Variants in FMNL3 observed in about 807,000 individuals in gnomAD.
The protein encoded by FMNL3 is formin-like protein 3.
A neutral mutation model predicts 119.6 loss-of-function variants in FMNL3; 57 were observed. The observed-to-expected ratio is 0.48, with a 90% CI of 0.39 to 0.59. The LOEUF (loss-of-function observed/expected upper bound fraction) is 0.59. FMNL3 is among the 20% of genes least tolerant of loss of function. The pLI is 0.00. For missense variants in FMNL3, 1,053 were observed against 1,323.5 expected, an observed-to-expected ratio of 0.80 and a Z score of 3.17; for synonymous variants, 491 against 507.3, an observed-to-expected ratio of 0.97 and a Z score of 0.43.
rs934936710 is a variant in FMNL3, at chr12:49,642,771, C to T, written c.*3044G>A. On this transcript the variant is annotated 3_prime_UTR_variant, in exon 26 of 26. Coordinates refer to ENST00000335154, the MANE Select transcript of FMNL3 (RefSeq NM_175736.5). The surrounding 1 kb of genome is among the most constrained non-coding windows in gnomAD (Gnocchi z 5.8). Reference sequence around the variant, plus strand: ...AGTGGCCTCCCTCTTACCCTTAGGGCACTCCTGGCCAGCTAAGGAAGGGGA... The same window carrying T: ...AGTGGCCTCCCTCTTACCCTTAGGGTACTCCTGGCCAGCTAAGGAAGGGGA... 1.9e-5 allele frequency: 27 copies of T among 1,440,148 alleles called. No individual in the cohort carries two copies. The African/African-American group carries it at 2.4e-4, about 13-fold the overall frequency. The allele number at this position is 1,440,148 out of a possible 1,614,324, so 89.2% of individuals were successfully genotyped here. A position where few individuals can be genotyped will look rare whatever the true frequency, so the allele number is the denominator to read the frequency against.
At chr12:49,667,331 A>C (rs750646321) in intron 2 of FMNL3, among the ~76,000 whole-genome samples, 3 of 152,352 alleles carry the variant, frequency 2.0e-5, no homozygotes, top group Non-Finnish European at 2.9e-5. Flanking sequence ...AGACTGAGAG[A>C]TCAATTAAAG....
At position 49,650,939 on chromosome 12, in the gene FMNL3, A is replaced by T; in HGVS notation, c.1798-61T>A. ...CCTCATACTAGTGGAGGACCTCATG[A>T]CAGCCCACCCAGCATTGGCCCAGAG... On this transcript the variant is annotated intron_variant, in intron 16 of 25. Coordinates refer to ENST00000335154, the MANE Select transcript of FMNL3 (RefSeq NM_175736.5). 3 of 1,583,472 alleles carry T rather than the reference A, an allele frequency of 1.9e-6. No homozygotes were observed. In the East Asian group the frequency reaches 6.7e-5, roughly 36 times the overall value.
rs1944831195 is a variant in FMNL3 at position 49,699,050 on chromosome 12, C to T, written c.126+8005G>A. Among the ~76,000 whole-genome samples the T allele has an allele frequency of 2.0e-5, 3 of 152,202 alleles. No individual in the cohort carries two copies. The South Asian group carries it at 6.2e-4, about 32-fold the overall frequency. On this transcript the variant is annotated intron_variant, in intron 1 of 25. Coordinates refer to ENST00000335154, the MANE Select transcript of FMNL3 (RefSeq NM_175736.5). Reference sequence around the variant, plus strand: ...CTTCTTTAAAGTCATTTCCGAACCGCGATGAACCCCTAGCCTTTCCCTGGC... The same window carrying T: ...CTTCTTTAAAGTCATTTCCGAACCGTGATGAACCCCTAGCCTTTCCCTGGC...
At chr12:49,690,230 G>A (rs149114660) in intron 1 of FMNL3, among the ~76,000 whole-genome samples, 15 of 152,292 alleles carry the variant, frequency 9.8e-5, no homozygotes, top group African/African-American at 3.6e-4. Context: ...CAGATAGCAA[G>A]CATTATCTTC....
At chr12:49,684,267 C>A (rs1169680645) in intron 1 of FMNL3, among the ~76,000 whole-genome samples, 1 of 152,160 alleles carries the variant, frequency 6.6e-6, no homozygotes, top group Non-Finnish European at 1.5e-5. Flanking sequence ...GAAAATGACA[C>A]CTTAACCATT....
Position 49,654,285 on chromosome 12 carries a change from G to A in FMNL3, c.978C>T (p.Phe326=). The part of the protein sequence containing the change: ...NIDFMVACMQ[F]INIVVHSVED... ...CCACCGAGTGCACCACGATGTTGATGAACTGCATGCAGGCCACCTGAAGAA... is the reference window on the plus strand; with the variant it reads ...CCACCGAGTGCACCACGATGTTGATAAACTGCATGCAGGCCACCTGAAGAA... The change falls in exon 11 of 26, where the codon TTC becomes TTT. Residue 326 remains phenylalanine (F), a synonymous_variant. Coordinates refer to ENST00000335154, the MANE Select transcript of FMNL3 (RefSeq NM_175736.5). The A allele has an allele frequency of 1.2e-6, 2 of 1,613,966 alleles. No homozygotes were observed. Among genetic ancestry groups the A allele is most frequent in the Non-Finnish European group, 8.5e-7 (1 of 1,179,944 alleles).
chr12:49,643,109 G>A lies in FMNL3; in HGVS notation c.*2706C>T. ...TCCCCTTACAATATCTCCCTTGGAG[G>A]GAAGTTTGAGGATTCCTTTGGCCCT... On this transcript the variant is annotated 3_prime_UTR_variant, in exon 26 of 26. Transcript: ENST00000335154. The A allele has an allele frequency of 6.3e-7, 1 of 1,583,062 alleles. No individual in the cohort carries two copies. Among genetic ancestry groups the A allele is most frequent in the Non-Finnish European group, 8.7e-7 (1 of 1,155,258 alleles).
At position 49,637,081 on chromosome 12, in the gene FMNL3, G is replaced by C. The variant is rs1242941550; in HGVS notation, c.*8734C>G. Reference sequence around the variant, plus strand: ...ATGCACCACCCAGAAACTGCCAGTAGAGAGCACCCTACAGGCATGACTTGG... The same window carrying C: ...ATGCACCACCCAGAAACTGCCAGTACAGAGCACCCTACAGGCATGACTTGG... On this transcript the variant is annotated 3_prime_UTR_variant, in exon 26 of 26. Transcript: ENST00000335154. 4.6e-6 allele frequency: 3 copies of C among 647,352 alleles called. No homozygotes were observed. Among genetic ancestry groups the C allele is most frequent in the East Asian group, 5.6e-5 (2 of 36,032 alleles). 40.1% of individuals were successfully genotyped at this position (647,352 alleles called of 1,614,324 possible). A position where few individuals can be genotyped will look rare whatever the true frequency, so the allele number is the denominator to read the frequency against.
intron 1 of FMNL3, among the ~76,000 whole-genome samples, chr12:49,701,887 C>T (rs1373448121): frequency 6.6e-6 from 1 of 152,200 alleles, no homozygotes; most frequent in Non-Finnish European, 1.5e-5. Flanking sequence ...TGTACCACTG[C>T]ATTCCAGCCT....
rs113880088 is a variant in FMNL3 at position 49,645,976 on chromosome 12, ACAGGTAGGGC to A, written c.2996-83_2996-74del. 149 of 1,375,572 alleles carry A rather than the reference ACAGGTAGGGC, an allele frequency of 1.1e-4. No homozygotes were observed. The African/African-American group carries it at 1.9e-3, about 18-fold the overall frequency. 85.2% of individuals were successfully genotyped at this position (1,375,572 alleles called of 1,614,324 possible). A position where few individuals can be genotyped will look rare whatever the true frequency, so the allele number is the denominator to read the frequency against. On this transcript the variant is annotated intron_variant, in intron 25 of 25. Coordinates refer to ENST00000335154, the MANE Select transcript of FMNL3 (RefSeq NM_175736.5). ...GGACAGTGCCCTCAAGAGCAGCCCC[ACAGGTAGGGC>A]CAGGGAGGAGCCAGCAGTGAGGCAG...
intron 12 of FMNL3, 99 bp downstream of exon 12, chr12:49,653,626 C>T: frequency 6.5e-7 from 1 of 1,549,340 alleles, no homozygotes; most frequent in South Asian, 1.2e-5. Context: ...CTAAAGCCTC[C>T]CTGGGACTCA....
intron 4 of FMNL3, among the ~76,000 whole-genome samples, chr12:49,665,397 A>G (rs1205187878): frequency 6.6e-6 from 1 of 152,158 alleles, no homozygotes; most frequent in Non-Finnish European, 1.5e-5. Flanking sequence ...CTCCCAAACA[A>G]GCAAATAAAC....
intron 1 of FMNL3, among the ~76,000 whole-genome samples, chr12:49,699,463 A>G (rs1944843442): frequency 6.6e-6 from 1 of 152,098 alleles, no homozygotes; most frequent in African/African-American, 2.4e-5. Flanking sequence ...CAGAATTAGG[A>G]AGCACTGGTG....
chr12:49,682,593 C>T (rs1223310764), intron 1 of FMNL3, among the ~76,000 whole-genome samples: 2 of 152,084 alleles, frequency 1.3e-5, no homozygotes, highest in African/African-American at 4.8e-5. Context: ...TTGATCCTCC[C>T]GCCTTGGCCT....
At chr12:49,660,134 T>A (rs1439946152) in intron 5 of FMNL3, among the ~76,000 whole-genome samples, 1 of 152,228 alleles carries the variant, frequency 6.6e-6, no homozygotes, top group Non-Finnish European at 1.5e-5. Context: ...CCTCTTGTAC[T>A]GGTATATGCA....
chr12:49,702,782 T>C (rs1944943972), intron 1 of FMNL3, among the ~76,000 whole-genome samples: 1 of 152,066 alleles, frequency 6.6e-6, no homozygotes, highest in Non-Finnish European at 1.5e-5. Context: ...TGAAAGGCCC[T>C]TTCCCTGCCC....
Position 49,649,651 on chromosome 12 carries a change from G to GGACAGCTGTCC in FMNL3, c.2235+29_2235+39dup. The stretch of plus-strand genomic sequence containing the variant: ...GGTGACTAGCAGATGGAGGGTGGAG[G>GGACAGCTGTCC]GACAGCTGTCCAGAGCCATGAGTTG... On this transcript the variant is annotated intron_variant, in intron 18 of 25. Transcript: ENST00000335154. The surrounding 1 kb of genome is among the most constrained non-coding windows in gnomAD (Gnocchi z 5.6). 6.2e-7 allele frequency: 1 copy of GGACAGCTGTCC among 1,611,892 alleles called. No individual in the cohort carries two copies. The highest frequency in any genetic ancestry group is 1.1e-5 in the South Asian group (1 of 91,000).
chr12:49,680,869 G>C (rs1351438984), intron 1 of FMNL3, among the ~76,000 whole-genome samples: 1 of 152,222 alleles, frequency 6.6e-6, no homozygotes, highest in Non-Finnish European at 1.5e-5. Flanking sequence ...TACACAGAAA[G>C]TAGCAGGACC....
rs2138623650 is a variant in FMNL3, at chr12:49,641,106, A to C, written c.*4709T>G. The C allele has an allele frequency of 6.6e-6, 1 of 152,364 alleles. No homozygotes were observed. The highest frequency in any genetic ancestry group is 2.4e-5 in the African/African-American group (1 of 41,572). 9.4% of individuals were successfully genotyped at this position (152,364 alleles called of 1,614,324 possible). A position where few individuals can be genotyped will look rare whatever the true frequency, so the allele number is the denominator to read the frequency against. On this transcript the variant is annotated 3_prime_UTR_variant, in exon 26 of 26. Coordinates refer to ENST00000335154, the MANE Select transcript of FMNL3 (RefSeq NM_175736.5). Reference sequence around the variant, plus strand: ...ACTTTGAACTCCAGTGGCTTCATTTACCACTCATGTCATCTTGGGCCAACT... The same window carrying C: ...ACTTTGAACTCCAGTGGCTTCATTTCCCACTCATGTCATCTTGGGCCAACT...
Sources: allele counts gnomAD v4.1 joint callset (sites outside exome capture counted in the v4.1 genomes callset), GRCh38; gene constraint gnomAD v4.1.1; non-coding constraint Gnocchi (gnomAD v3.1); transcripts MANE v1.5; gene names NCBI Gene and HGNC (gene_info 2026-07-23, HGNC 2026-07-21).